ABHD3: variants seen among roughly 807,000 people sequenced by gnomAD.
ABHD3 encodes the protein abhydrolase domain containing 3, phospholipase.
In ABHD3, 46 loss-of-function variants were observed where a neutral mutation model predicts 48.8. The ratio of observed to expected loss-of-function variants is 0.94; its 90% CI spans 0.74 to 1.20. ABHD3 has a LOEUF of 1.20. ABHD3 is among the 50% of genes most tolerant of loss of function. The pLI, the probability that ABHD3 is intolerant of heterozygous loss-of-function variation, is 0.00. For synonymous variants in ABHD3, 192 were observed against 183.7 expected (o/e 1.04, Z -0.36); for missense variants, 490 against 497.8 (o/e 0.98, Z 0.15).
chr18:21,700,851 G>GAAAAAAA (rs1568166438), intron 3 of ABHD3, among the ~76,000 whole-genome samples: 1 of 105,534 alleles, frequency 9.5e-6, no homozygotes, highest in African/African-American at 4.1e-5. Flanking sequence ...AAAAAAAAAT[G>GAAAAAAA]GAACCAGGCT....
chr18:21,656,970 T>C lies in ABHD3; in HGVS notation c.948A>G (p.Gln316=), dbSNP rs1237749174. 2.5e-6 allele frequency: 4 copies of C among 1,613,988 alleles called. No homozygotes were observed. The highest frequency in any genetic ancestry group is 3.4e-6 in the Non-Finnish European group (4 of 1,180,012). The part of the protein sequence containing the change: ...KRFTSVMFGY[Q]TIDDYYTDAS... ...CATCAGTATAATAATCATCAATTGT[T>C]TGGTATCCAAACATGACTGAAGTGA... Residue 316 remains glutamine, a synonymous_variant, in exon 8 of 9, where the codon CAA becomes CAG. Transcript: ENST00000289119.
At chr18:21,665,253 T>C (rs913835253) in intron 4 of ABHD3, among the ~76,000 whole-genome samples, 2 of 151,146 alleles carry the variant, frequency 1.3e-5, no homozygotes, top group Non-Finnish European at 2.9e-5. Flanking sequence ...CCAAAAAAAA[T>C]TTTTTTGAGA....
intron 2 of ABHD3, among the ~76,000 whole-genome samples, chr18:21,703,053 A>T (rs2040547243): frequency 6.6e-6 from 1 of 152,224 alleles, no homozygotes; most frequent in African/African-American, 2.4e-5. Context: ...ACTAAGGGAA[A>T]TTAATAACAG....
At chr18:21,688,208 G>C (rs950636566) in intron 3 of ABHD3, among the ~76,000 whole-genome samples, 1 of 152,170 alleles carries the variant, frequency 6.6e-6, no homozygotes, top group Non-Finnish European at 1.5e-5. Flanking sequence ...AACTTCCATG[G>C]GTTGTGAGTA....
At chr18:21,657,550 A>G (rs2039387256) in intron 6 of ABHD3, among the ~76,000 whole-genome samples, 1 of 150,980 alleles carries the variant, frequency 6.6e-6, no homozygotes, top group Admixed American at 6.6e-5. Flanking sequence ...GGGTTTTGCC[A>G]TGTCACCCAG....
At chr18:21,692,836 CA>C (rs2040282785) in intron 3 of ABHD3, among the ~76,000 whole-genome samples, 1 of 152,218 alleles carries the variant, frequency 6.6e-6, no homozygotes, top group Admixed American at 6.5e-5. Context: ...GTCAATAAAA[CA>C]CCCAGTTGAA....
rs1598572101 is a variant in ABHD3 at position 21,703,831 on chromosome 18, T to TCGCG, written c.163-88_163-85dup. On this transcript the variant is annotated intron_variant, in intron 1 of 8. Coordinates refer to ENST00000289119, the MANE Select transcript of ABHD3 (RefSeq NM_138340.5). ...CCAGAAACCGGCAAAGACTTGTCGCTCGCGCGCGCGCTTCCTCCGATTACA... is the reference window on the plus strand; with the variant it reads ...CCAGAAACCGGCAAAGACTTGTCGCTCGCGCGCGCGCGCGCTTCCTCCGATTACA... 3.4e-5 allele frequency: 51 copies of TCGCG among 1,482,734 alleles called. No individual in the cohort carries two copies. The East Asian group carries it at 1.1e-3, about 31-fold the overall frequency. The allele number at this position is 1,482,734 out of a possible 1,614,324, so 91.8% of individuals were successfully genotyped here. A position where few individuals can be genotyped will look rare whatever the true frequency, so the allele number is the denominator to read the frequency against.
In ABHD3 at chr18:21,704,572, C is replaced by A. The variant is rs373604239; in HGVS notation, c.94G>T (p.Val32Leu). ...QVRVGFFGSGVGLSLILGFSV... is the reference protein window; with the variant it reads ...QVRVGFFGSGLGLSLILGFSV... ...AAGCCCAGGATAAGGGATAAGCCCA[C>A]CCCCGAGCCGAAGAACCCCACCCGG... The change falls in exon 1 of 9, where the codon GTG becomes TTG. Residue 32 changes from valine to leucine, a missense_variant. Val to Leu is a conservative substitution (Grantham distance 32). Coordinates refer to ENST00000289119, the MANE Select transcript of ABHD3 (RefSeq NM_138340.5). 1.9e-6 allele frequency: 3 copies of A among 1,543,504 alleles called. No individual in the cohort carries two copies. Among genetic ancestry groups the A allele is most frequent in the Admixed American group, 2.0e-5 (1 of 49,760 alleles).
intron 3 of ABHD3, among the ~76,000 whole-genome samples, chr18:21,692,172 A>G (rs539141194): frequency 2.3e-4 from 35 of 151,994 alleles, no homozygotes; most frequent in African/African-American, 8.4e-4. Context: ...CTGGTCTCGA[A>G]CTCCTGACCT....
At chr18:21,701,938 C>T (rs1321772581) in intron 3 of ABHD3, 1 of 155,252 alleles carries the variant, frequency 6.4e-6, no homozygotes, top group Admixed American at 6.5e-5. Flanking sequence ...TGAATCCAGG[C>T]CCCAGAATGT....
At chr18:21,696,440 T>C (rs1418308812) in intron 3 of ABHD3, among the ~76,000 whole-genome samples, 1 of 152,076 alleles carries the variant, frequency 6.6e-6, no homozygotes, top group Non-Finnish European at 1.5e-5. Flanking sequence ...TGAGCCACCG[T>C]GCCTGGCCTT....
At chr18:21,694,442 C>T (rs1033632519) in intron 3 of ABHD3, among the ~76,000 whole-genome samples, 4 of 152,178 alleles carry the variant, frequency 2.6e-5, no homozygotes, top group Non-Finnish European at 5.9e-5. Context: ...AAATAATCTC[C>T]TACACTGAGT....
At chr18:21,660,892 T>C (rs2039477354) in intron 5 of ABHD3, among the ~76,000 whole-genome samples, 1 of 151,884 alleles carries the variant, frequency 6.6e-6, no homozygotes, top group African/African-American at 2.4e-5. Context: ...TCAGATATTG[T>C]TGGGAGGCTG....
Position 21,656,940 on chromosome 18 carries a change from A to C in ABHD3, c.978T>G (p.Ser326Arg). 1 of 1,614,074 alleles carries C rather than the reference A, an allele frequency of 6.2e-7. No homozygotes were observed. ...CTACTGACTTCAGTCTAGGACTCGG[A>C]CTGGCATCAGTATAATAATCATCAA... ...QTIDDYYTDA[S>R]PSPRLKSVGI... The change falls in exon 8 of 9, where the codon AGT becomes AGG. Residue 326 changes from serine (S) to arginine (R), a missense_variant. By Grantham distance (110) the Ser-to-Arg change is moderately radical. Transcript: ENST00000289119.
chr18:21,683,935 C>T lies in ABHD3; in HGVS notation c.540G>A (p.Ala180=), dbSNP rs2040067735. 8.8e-6 allele frequency: 14 copies of T among 1,596,828 alleles called. No individual in the cohort carries two copies. Among genetic ancestry groups the T allele is most frequent in the Middle Eastern group, 3.3e-4 (2 of 6,034 alleles). ...RCVVFNNRGV[A]GENLLTPRTY... is the part of the protein sequence containing the mutation. Reference sequence around the variant, plus strand: ...ATTTACTTACCAAGAGATTCTCCCCCGCCACTCCTCTGTTGTTAAAAACCA... The same window carrying T: ...ATTTACTTACCAAGAGATTCTCCCCTGCCACTCCTCTGTTGTTAAAAACCA... The change falls in exon 4 of 9, where the codon GCG becomes GCA. Residue 180 remains alanine, a synonymous_variant. Coordinates refer to ENST00000289119, the MANE Select transcript of ABHD3 (RefSeq NM_138340.5).
intron 4 of ABHD3, chr18:21,664,508 A>G (rs2039576390): frequency 3.5e-6 from 1 of 282,194 alleles, no homozygotes; most frequent in African/African-American, 2.2e-5. Flanking sequence ...ACCTTCAATT[A>G]AACAAAGTAC....
At chr18:21,685,533 C>A (rs2040111435) in intron 3 of ABHD3, among the ~76,000 whole-genome samples, 1 of 152,120 alleles carries the variant, frequency 6.6e-6, no homozygotes, top group East Asian at 1.9e-4. Context: ...TAAGATAAAT[C>A]TTTTTGTTTT....
chr18:21,692,647 G>C (rs1025023137), intron 3 of ABHD3, among the ~76,000 whole-genome samples: 10 of 152,218 alleles, frequency 6.6e-5, no homozygotes, highest in Non-Finnish European at 1.2e-4. Context: ...AGCTGGAAAC[G>C]AATGATACAA....
At chr18:21,658,274 G>A (rs892560221) in intron 6 of ABHD3, among the ~76,000 whole-genome samples, 2 of 152,044 alleles carry the variant, frequency 1.3e-5, no homozygotes, top group African/African-American at 4.8e-5. Flanking sequence ...TGCAAAGATA[G>A]TATTTTGGTA....
Sources: allele counts gnomAD v4.1 joint callset (sites outside exome capture counted in the v4.1 genomes callset), GRCh38; gene constraint gnomAD v4.1.1; transcripts MANE v1.5; gene names NCBI Gene and HGNC (gene_info 2026-07-23, HGNC 2026-07-21).